The following EIF2AK3 variants were observed in gnomAD, a reference collection of about 807,000 sequenced individuals.
EIF2AK3 encodes the protein eukaryotic translation initiation factor 2 alpha kinase 3.
In EIF2AK3, 50 loss-of-function variants were observed where a neutral mutation model predicts 113.5. The ratio of observed to expected loss-of-function variants is 0.44; its 90% CI spans 0.35 to 0.56. EIF2AK3 has a LOEUF of 0.56. EIF2AK3 is among the 20% of genes least tolerant of loss of function. The pLI is 0.00. For missense variants in EIF2AK3, 1,185 were observed against 1,378.0 expected (o/e 0.86, Z 2.22); for synonymous variants, 448 against 495.4 (o/e 0.90, Z 1.27).
At chr2:88,595,728 C>T (rs1437238499) in intron 2 of EIF2AK3, 65 bp from the exon 3 acceptor site, 2 of 1,436,448 alleles carry the variant, frequency 1.4e-6, no homozygotes, top group African/African-American at 1.4e-5. Flanking sequence ...CTTATTTCTC[C>T]CAGAAAAATA....
rs753681109 is a variant in EIF2AK3 at position 88,590,843 on chromosome 2, C to G, written c.977G>C (p.Gly326Ala). The G allele has an allele frequency of 3.1e-6, 5 of 1,614,098 alleles. No individual in the cohort carries two copies. In the South Asian group the frequency reaches 5.5e-5, roughly 18 times the overall value. The change falls in exon 5 of 17, where the codon GGA (glycine) becomes GCA (alanine). Residue 326 changes from glycine to alanine, a missense_variant. Around this residue, in one of 3 missense-constraint regions of EIF2AK3, gnomAD observed 877 missense variants for 1,024.2 expected, o/e 0.86. Coordinates refer to ENST00000303236, the MANE Select transcript of EIF2AK3 (RefSeq NM_004836.7). ...CTGGTACTCCCATTCCAGATGTCCT[C>G]CCTTCTTACTGAATGCCATAACTTT... is the stretch of plus-strand genomic sequence containing the variant. ...DWKVMAFSKK[G>A]GHLEWEYQFC...
chr2:88,618,871 C>T (rs1257016431), intron 1 of EIF2AK3, among the ~76,000 whole-genome samples: 8 of 152,206 alleles, frequency 5.3e-5, no homozygotes, highest in Admixed American at 5.2e-4. Flanking sequence ...GGTTTCCTAA[C>T]TGCCAGATTC....
At chr2:88,589,646 A>T (rs1161498001) in intron 6 of EIF2AK3, among the ~76,000 whole-genome samples, 1 of 149,666 alleles carries the variant, frequency 6.7e-6, no homozygotes, top group Non-Finnish European at 1.5e-5. Context: ...ACATATAAAT[A>T]ATTATATATG....
intron 2 of EIF2AK3, among the ~76,000 whole-genome samples, chr2:88,607,761 C>A (rs1032848712): frequency 1.3e-5 from 2 of 152,072 alleles, no homozygotes; most frequent in Non-Finnish European, 2.9e-5. Context: ...AATGGTAATT[C>A]CTAGTGAATT....
chr2:88,557,670 C>T lies in EIF2AK3; in HGVS notation c.*66G>A. 5 of 1,548,916 alleles carry T rather than the reference C, an allele frequency of 3.2e-6. No individual in the cohort carries two copies. Among genetic ancestry groups the T allele is most frequent in the Non-Finnish European group, 4.5e-6 (5 of 1,121,132 alleles). The stretch of plus-strand genomic sequence containing the variant: ...AACTTTTCAAGTCTGCAATTTTGGA[C>T]AGGCATATTCTAAGAAGTAGGCTAT... On this transcript the variant is annotated 3_prime_UTR_variant, in exon 17 of 17. Coordinates refer to ENST00000303236, the MANE Select transcript of EIF2AK3 (RefSeq NM_004836.7).
At position 88,595,800 on chromosome 2, in the gene EIF2AK3, C is replaced by G. The variant is rs752580628; in HGVS notation, c.439-137G>C. On this transcript the variant is annotated intron_variant, in intron 2 of 16. Coordinates refer to ENST00000303236, the MANE Select transcript of EIF2AK3 (RefSeq NM_004836.7). ...GAGCTGGAGTCTTGATCCTGATGTA[C>G]TCCAGCCTCCTTCTGAGTAGCACAT... 145 of 868,312 alleles carry G rather than the reference C, an allele frequency of 1.7e-4. 1 individual carries two copies. The highest frequency in any genetic ancestry group is 1.1e-4 in the Non-Finnish European group (59 of 535,040). 53.8% of individuals were successfully genotyped at this position (868,312 alleles called of 1,614,324 possible).
intron 14 of EIF2AK3, 126 bp downstream of exon 14, chr2:88,570,748 T>C (rs1286558604): frequency 6.7e-6 from 8 of 1,193,624 alleles, no homozygotes; most frequent in African/African-American, 4.5e-5. Flanking sequence ...GGAACACTAC[T>C]GCCAGTTTTC....
At chr2:88,578,859 TTTTTTATG>T (rs1674528939) in intron 11 of EIF2AK3, among the ~76,000 whole-genome samples, 1 of 152,210 alleles carries the variant, frequency 6.6e-6, no homozygotes, top group Non-Finnish European at 1.5e-5. Flanking sequence ...TGCAAAGGTT[TTTTTTATG>T]GTAAAGTTAT....
intron 2 of EIF2AK3, among the ~76,000 whole-genome samples, chr2:88,596,368 A>C (rs1463608142): frequency 1.3e-5 from 2 of 152,218 alleles, no homozygotes; most frequent in Non-Finnish European, 2.9e-5. Context: ...ATTAGCGAGC[A>C]AAGCAAACAA....
intron 2 of EIF2AK3, among the ~76,000 whole-genome samples, chr2:88,600,910 G>A (rs1675133192): frequency 6.6e-6 from 1 of 152,072 alleles, no homozygotes; most frequent in African/African-American, 2.4e-5. Flanking sequence ...CACACTTTTT[G>A]GAGTACATTC....
chr2:88,586,601 T>A (rs1674738057), intron 8 of EIF2AK3, among the ~76,000 whole-genome samples: 1 of 148,926 alleles, frequency 6.7e-6, no homozygotes, highest in Non-Finnish European at 1.5e-5. Flanking sequence ...TTGCCTTTTT[T>A]TTTTTTTTTT....
chr2:88,595,206 CAAAAAAAA>C, intron 3 of EIF2AK3, among the ~76,000 whole-genome samples: 1 of 59,456 alleles, frequency 1.7e-5, no homozygotes, highest in South Asian at 7.9e-4. Flanking sequence ...GACTCTGTCT[CAAAAAAAA>C]AAAAAAAAAA....
Position 88,574,682 on chromosome 2 carries a change from A to C in EIF2AK3, c.2801T>G (p.Met934Arg), listed in dbSNP as rs1674406193. Reference protein sequence around the residue: ...AVEFLHSKGLMHRDLKPSNIF... With the variant: ...AVEFLHSKGLRHRDLKPSNIF... ...AATACAGACCTTGAGGTCCCTGTGC[A>C]TCAGTCCTTTACTGTGAAGAAACTC... The change falls in exon 13 of 17, where the codon ATG becomes AGG. Residue 934 changes from methionine to arginine, a missense_variant. Met to Arg is a moderately conservative substitution (Grantham distance 91). Transcript: ENST00000303236. 6.2e-7 allele frequency: 1 copy of C among 1,614,144 alleles called. No homozygotes were observed. Among genetic ancestry groups the C allele is most frequent in the Non-Finnish European group, 8.5e-7 (1 of 1,180,004 alleles).
chr2:88,577,173 G>A (rs1242332944), intron 11 of EIF2AK3, among the ~76,000 whole-genome samples: 4 of 152,016 alleles, frequency 2.6e-5, no homozygotes, highest in African/African-American at 9.7e-5. Context: ...GGTAGAGACA[G>A]GGTTTCACCA....
intron 6 of EIF2AK3, among the ~76,000 whole-genome samples, chr2:88,589,901 A>C (rs1231814088): frequency 6.6e-6 from 1 of 152,074 alleles, no homozygotes; most frequent in African/African-American, 2.4e-5. Flanking sequence ...AAGCCTTTCT[A>C]ATATAGACCT....
At chr2:88,622,936 T>C (rs1675767940) in intron 1 of EIF2AK3, among the ~76,000 whole-genome samples, 2 of 152,354 alleles carry the variant, frequency 1.3e-5, no homozygotes, top group South Asian at 4.1e-4. Flanking sequence ...TATTTTCATG[T>C]TATCTCATTT....
In EIF2AK3 at chr2:88,619,421, A is replaced by G. The variant is rs1172212862; in HGVS notation, c.309-5568T>C. On this transcript the variant is annotated intron_variant, in intron 1 of 16. Transcript: ENST00000303236. ...AGTATGACAGCCCCCAAACCTGTACAGGATTTATAGTTCACCATCTCTCCC... is the reference window on the plus strand; with the variant it reads ...AGTATGACAGCCCCCAAACCTGTACGGGATTTATAGTTCACCATCTCTCCC... Among the ~76,000 whole-genome samples, 6 of 152,204 alleles carry G rather than the reference A, an allele frequency of 3.9e-5. No individual in the cohort carries two copies. In the South Asian group the frequency reaches 6.2e-4, roughly 16 times the overall value.
At chr2:88,582,213 G>A (rs947247242) in intron 10 of EIF2AK3, among the ~76,000 whole-genome samples, 2 of 152,200 alleles carry the variant, frequency 1.3e-5, no homozygotes, top group African/African-American at 4.8e-5. Flanking sequence ...CAGCTACTGT[G>A]CTGGCTGGAT....
chr2:88,616,403 T>G (rs979608626), intron 1 of EIF2AK3, among the ~76,000 whole-genome samples: 3 of 152,114 alleles, frequency 2.0e-5, no homozygotes, highest in African/African-American at 7.2e-5. Flanking sequence ...CAGAGCAGAC[T>G]CTCCATAAAT....
Sources: allele counts gnomAD v4.1 joint callset (sites outside exome capture counted in the v4.1 genomes callset), GRCh38; gene constraint gnomAD v4.1.1; regional missense constraint gnomAD v4.1.1; transcripts MANE v1.5; gene names NCBI Gene and HGNC (gene_info 2026-07-23, HGNC 2026-07-21).